Variants in CHRM3 observed in about 807,000 individuals in gnomAD.
CHRM3 encodes cholinergic receptor muscarinic 3, also known as muscarinic acetylcholine receptor M3.
A neutral mutation model predicts 41.8 loss-of-function variants in CHRM3; 11 were observed. That is an observed-to-expected ratio of 0.26 (90% confidence interval 0.17 to 0.44). The LOEUF is 0.44. Among genes scored for constraint, CHRM3 ranks in the 20% least tolerant of loss-of-function variants. The pLI is 1.00. For missense variants in CHRM3, 571 were observed against 745.4 expected, an observed-to-expected ratio of 0.77 and a Z score of 2.72; for synonymous variants, 297 against 301.4, an observed-to-expected ratio of 0.99 and a Z score of 0.15.
At chr1:239,461,602 A>G (rs987726391) in intron 1 of CHRM3, among the ~76,000 whole-genome samples, 1 of 151,962 alleles carries the variant, frequency 6.6e-6, no homozygotes, top group Non-Finnish European at 1.5e-5. Context: ...GCCTCCATAT[A>G]CGCAAAGAAA....
At position 239,618,394 on chromosome 1, in the gene CHRM3, G is replaced by A. The variant is rs964553136; in HGVS notation, c.-312-13830G>A. ...TGCAGCTTCAGTCATGGGTGGCCCT[G>A]TCTAGTCCGGAGAGAAGCTCAGGCC... On this transcript the variant is annotated intron_variant, in intron 3 of 6. Coordinates refer to ENST00000676153, the MANE Select transcript of CHRM3 (RefSeq NM_001375978.1). 4.7e-5 allele frequency among the ~76,000 whole-genome samples: 7 copies of A among 149,284 alleles called. No homozygotes were observed. The South Asian group carries it at 1.3e-3, about 27-fold the overall frequency.
At chr1:239,891,418 A>G (rs138497238) in intron 6 of CHRM3, among the ~76,000 whole-genome samples, 243 of 152,138 alleles carry the variant, frequency 1.6e-3, no homozygotes, top group African/African-American at 5.2e-3. Flanking sequence ...GACGAGGTTC[A>G]TGAGTTTGGA....
intron 5 of CHRM3, among the ~76,000 whole-genome samples, chr1:239,780,957 A>C (rs12036754): frequency 6.6e-6 from 1 of 151,890 alleles, no homozygotes; most frequent in Admixed American, 6.6e-5. Flanking sequence ...TGGGCTCTCT[A>C]TTTTGTTTTA....
intron 3 of CHRM3, among the ~76,000 whole-genome samples, chr1:239,601,908 C>T (rs181925681): frequency 8.6e-5 from 13 of 151,796 alleles, no homozygotes; most frequent in African/African-American, 2.7e-4. Context: ...ATACTGCCTC[C>T]GTCTTTCATC....
intron 3 of CHRM3, among the ~76,000 whole-genome samples, chr1:239,580,689 T>TTATATATATA (rs1165930612): frequency 0.014 from 890 of 65,096 alleles, 15 homozygotes; most frequent in Middle Eastern, 0.019. Flanking sequence ...TTGCCCAATT[T>TTATATATATA]TATATATATA....
In CHRM3 at chr1:239,685,684, T is replaced by C. The variant is rs968147119; in HGVS notation, c.-147+7396T>C. The stretch of plus-strand genomic sequence containing the variant: ...CTAAAAATACAAAATTAGCTGGGTA[T>C]GGTGGTGTGTGCTCATAGTCCCAGC... On this transcript the variant is annotated intron_variant, in intron 5 of 6. Coordinates refer to ENST00000676153, the MANE Select transcript of CHRM3 (RefSeq NM_001375978.1). Among the ~76,000 whole-genome samples, 7 of 152,042 alleles carry C rather than the reference T, an allele frequency of 4.6e-5. No homozygotes were observed. In the East Asian group the frequency reaches 7.7e-4, roughly 17 times the overall value.
intron 4 of CHRM3, among the ~76,000 whole-genome samples, chr1:239,640,776 TC>T (rs1671044839): frequency 6.6e-6 from 1 of 150,502 alleles, no homozygotes. Context: ...TCAGTTCTGC[TC>T]TGATTTTAGT....
At chr1:239,656,468 AG>A (rs145243199) in intron 4 of CHRM3, among the ~76,000 whole-genome samples, 10,776 of 139,780 alleles carry the variant, frequency 0.077, 514 homozygotes, top group African/African-American at 0.16. Flanking sequence ...TAAAAAAAAA[AG>A]AAAAAAGAAA....
At chr1:239,675,312 CTCAGAGACTT>C (rs1380853611) in intron 4 of CHRM3, among the ~76,000 whole-genome samples, 3 of 152,180 alleles carry the variant, frequency 2.0e-5, no homozygotes, top group African/African-American at 7.2e-5. Flanking sequence ...CATTAGGTTT[CTCAGAGACTT>C]TTTGACTTGT....
chr1:239,748,866 T>C lies in CHRM3; in HGVS notation c.-147+70578T>C, dbSNP rs933333510. Among the ~76,000 whole-genome samples the C allele has an allele frequency of 2.6e-5, 4 of 152,222 alleles. No homozygotes were observed. The highest frequency in any genetic ancestry group is 5.9e-5 in the Non-Finnish European group (4 of 68,040). On this transcript the variant is annotated intron_variant, in intron 5 of 6. Coordinates refer to ENST00000676153, the MANE Select transcript of CHRM3 (RefSeq NM_001375978.1). The surrounding 1 kb of genome is among the most constrained non-coding windows in gnomAD (Gnocchi z 4.3). ...GAGCAAGATAACTTGACCTTCGTAT[T>C]AACTGGCTAGCTTTACTGAAGGAAA...
chr1:239,462,977 C>A (rs1665466374), intron 1 of CHRM3, among the ~76,000 whole-genome samples: 1 of 152,126 alleles, frequency 6.6e-6, no homozygotes, highest in Admixed American at 6.5e-5. Flanking sequence ...AATTTATAAG[C>A]CCTAATTTCT....
intron 5 of CHRM3, among the ~76,000 whole-genome samples, chr1:239,732,859 C>T (rs1664071554): frequency 2.1e-5 from 3 of 143,962 alleles, no homozygotes; most frequent in Non-Finnish European, 4.7e-5. Flanking sequence ...GATAAGTATA[C>T]CTAATATCTC....
intron 3 of CHRM3, among the ~76,000 whole-genome samples, chr1:239,603,303 C>A (rs1210262520): frequency 6.6e-6 from 1 of 152,016 alleles, no homozygotes; most frequent in Non-Finnish European, 1.5e-5. Context: ...GACAAGTTAG[C>A]TTTTTGGAAT....
intron 2 of CHRM3, among the ~76,000 whole-genome samples, chr1:239,500,922 A>AG (rs1242892976): frequency 2.0e-5 from 3 of 152,202 alleles, no homozygotes; most frequent in Non-Finnish European, 4.4e-5. Flanking sequence ...TTAAAGTAAA[A>AG]GGGTGCAAAA....
chr1:239,460,487 AT>A (rs888354938), intron 1 of CHRM3, among the ~76,000 whole-genome samples: 135 of 151,938 alleles, frequency 8.9e-4, no homozygotes, highest in South Asian at 6.0e-3. Flanking sequence ...TTGCATTTAT[AT>A]TTTTTTTCTC....
chr1:239,591,584 C>G (rs548078687), intron 3 of CHRM3, among the ~76,000 whole-genome samples: 1 of 150,842 alleles, frequency 6.6e-6, no homozygotes, highest in East Asian at 1.9e-4. Flanking sequence ...ATTCACCATG[C>G]GTGCCGTCTT....
chr1:239,616,079 T>C lies in CHRM3; in HGVS notation c.-312-16145T>C, dbSNP rs531066411. Among the ~76,000 whole-genome samples, 202 of 152,314 alleles carry C rather than the reference T, an allele frequency of 1.3e-3. 2 individuals carry two copies. The highest frequency in any genetic ancestry group is 6.8e-3 in the Middle Eastern group (2 of 294). The stretch of plus-strand genomic sequence containing the variant: ...GTTTGGAAAATAAATGAAAGAACCT[T>C]AAATAAACAAATAAACAACTATTAT... On this transcript the variant is annotated intron_variant, in intron 3 of 6. Transcript: ENST00000676153.
intron 4 of CHRM3, among the ~76,000 whole-genome samples, chr1:239,675,450 T>C (rs16838669): frequency 0.028 from 4,322 of 152,254 alleles, 99 homozygotes; most frequent in Admixed American, 0.057. Context: ...TTGTCAAGAA[T>C]TGCAAGACAA....
intron 3 of CHRM3, among the ~76,000 whole-genome samples, chr1:239,575,999 C>T (rs897226171): frequency 6.6e-6 from 1 of 152,068 alleles, no homozygotes; most frequent in African/African-American, 2.4e-5. Flanking sequence ...CACTATTCTA[C>T]TTGCTGTTTC....
Sources: gnomAD v4.1 joint callset for allele counts (sites outside exome capture counted in the v4.1 genomes callset) on GRCh38, gnomAD v4.1.1 for gene constraint, Gnocchi (gnomAD v3.1) non-coding constraint, MANE v1.5 for transcripts, NCBI Gene and HGNC (gene_info 2026-07-23, HGNC 2026-07-21) for gene names.